The following BARX1 variants were observed in gnomAD, a reference collection of about 807,000 sequenced individuals.
The protein encoded by BARX1 is homeobox protein BarH-like 1.
A neutral mutation model predicts 19.6 loss-of-function variants in BARX1; 10 were observed. The observed-to-expected ratio is 0.51, with a 90% CI of 0.31 to 0.86. BARX1 has a LOEUF of 0.86. Ranked by LOEUF, BARX1 falls within the 40% of genes least tolerant of loss-of-function variation. The pLI, the probability that BARX1 is intolerant of heterozygous loss-of-function variation, is 0.04. For missense variants in BARX1, 309 were observed against 360.4 expected (o/e 0.86, Z 1.15); for synonymous variants, 177 against 170.0 (o/e 1.04, Z -0.32).
chr9:93,953,089 G>C lies in BARX1; in HGVS notation c.322C>G (p.Leu108Val), dbSNP rs1829121324. The change falls in exon 2 of 4, where the codon CTG (leucine) becomes GTG (valine). Residue 108 changes from leucine (L) to valine (V), a missense_variant. Around this residue, in one of 3 missense-constraint regions of BARX1, gnomAD observed 204 missense variants for 206.8 expected, o/e 0.99. Coordinates refer to ENST00000253968, the MANE Select transcript of BARX1 (RefSeq NM_021570.4). ...TGTGGCGCACCCGCGGCGCCGGGCA[G>C]CCCGGGCCCTGCCGCCAGCAACGCA... Reference protein sequence around the residue: ...SSALLAAGPGLPGAAGAPHLP... With the variant: ...SSALLAAGPGVPGAAGAPHLP... 1 of 1,555,260 alleles carries C rather than the reference G, an allele frequency of 6.4e-7. No homozygotes were observed.
In BARX1 at chr9:93,953,178, T is replaced by A; in HGVS notation, c.233A>T (p.Lys78Met). The A allele has an allele frequency of 6.6e-7, 1 of 1,513,450 alleles. No homozygotes were observed. Among genetic ancestry groups the A allele is most frequent in the Non-Finnish European group, 8.8e-7 (1 of 1,141,160 alleles). 93.8% of individuals were successfully genotyped at this position (1,513,450 alleles called of 1,614,324 possible). A position where few individuals can be genotyped will look rare whatever the true frequency, so the allele number is the denominator to read the frequency against. ...CTTGAACACCGCCGCCTGCTCGGCCTTCAGCACGGCTGCGAAGAAAGAGAA... is the reference window on the plus strand; with the variant it reads ...CTTGAACACCGCCGCCTGCTCGGCCATCAGCACGGCTGCGAAGAAAGAGAA... ...RPFHSHLAVL[K>M]AEQAAVFKFP... Residue 78 changes from lysine to methionine, a missense_variant, in exon 2 of 4, where the codon AAG (lysine) becomes ATG (methionine). Physicochemically the swap from Lys to Met is moderately conservative, Grantham distance 95 (BLOSUM62 -1). Transcript: ENST00000253968.
Position 93,952,288 on chromosome 9 carries a change from T to C in BARX1, c.641A>G (p.Lys214Arg). 2 of 1,611,562 alleles carry C rather than the reference T, an allele frequency of 1.2e-6. No homozygotes were observed. The highest frequency in any genetic ancestry group is 1.1e-5 in the South Asian group (1 of 91,036). The stretch of plus-strand genomic sequence containing the variant: ...AATTGAGTTCTTCTTGGGCCGCCCC[T>C]TGGGCTTGGTGGGAGACTCCAGGCC... ...GGGLESPTKPKGRPKKNSIPT... is the reference protein window; with the variant it reads ...GGGLESPTKPRGRPKKNSIPT... The change falls in exon 4 of 4, where the codon AAG (lysine) becomes AGG (arginine). Residue 214 changes from lysine (K) to arginine (R), a missense_variant. Transcript: ENST00000253968.
intron 1 of BARX1, among the ~76,000 whole-genome samples, chr9:93,954,423 C>T (rs1362208200): frequency 6.6e-6 from 1 of 152,252 alleles, no homozygotes; most frequent in Non-Finnish European, 1.5e-5. Context: ...CGTTCCTCGC[C>T]CGCTGGAGCT....
chr9:93,953,266 C>A, intron 1 of BARX1, 79 bp from the exon 2 acceptor site: 1 of 1,405,964 alleles, frequency 7.1e-7, no homozygotes, highest in Non-Finnish European at 9.3e-7. Context: ...CCACGTGCCG[C>A]GGGGGTGCTC....
chr9:93,952,371 A>C (rs753659232), intron 3 of BARX1, 43 bp from the exon 4 acceptor site: 8 of 1,586,978 alleles, frequency 5.0e-6, no homozygotes, highest in Non-Finnish European at 6.8e-6. Flanking sequence ...CAGCACGTGG[A>C]CTGGGGACCC....
chr9:93,955,045 G>A lies in BARX1; in HGVS notation c.102C>T (p.Ile34=). Residue 34 remains isoleucine (I), a synonymous_variant, in exon 1 of 4, where the codon ATC becomes ATT. Transcript: ENST00000253968. This position sits in a 1 kb window ranked among gnomAD's most constrained non-coding sequence, Gnocchi z 4.4. ...CCTTGGGCCCGGGTGGCTCCGTGAG[G>A]ATCTCCTCAATCATGAAGCTGCGAT... ...HRYRSFMIEE[I]LTEPPGPKGA... 7.1e-7 allele frequency: 1 copy of A among 1,405,178 alleles called. No homozygotes were observed. Among genetic ancestry groups the A allele is most frequent in the Non-Finnish European group, 9.3e-7 (1 of 1,076,874 alleles). The allele number at this position is 1,405,178 out of a possible 1,614,324, so 87.0% of individuals were successfully genotyped here. A position where few individuals can be genotyped will look rare whatever the true frequency, so the allele number is the denominator to read the frequency against.
intron 1 of BARX1, among the ~76,000 whole-genome samples, chr9:93,954,559 G>A (rs1021826020): frequency 6.6e-6 from 1 of 152,250 alleles, no homozygotes; most frequent in African/African-American, 2.4e-5. Context: ...TCCCTCTGCG[G>A]CGAAGCCCAG....
Position 93,952,677 on chromosome 9 carries a change from C to T in BARX1, c.600+52G>A, listed in dbSNP as rs372120075. On this transcript the variant is annotated intron_variant, in intron 3 of 3. Transcript: ENST00000253968. The stretch of plus-strand genomic sequence containing the variant: ...AAAGAGGAGAGCAGCTCTGCATGCA[C>T]CGGGGCATGGCCCAGGAAGCTGAGG... 289 of 1,567,048 alleles carry T rather than the reference C, an allele frequency of 1.8e-4. 2 individuals carry two copies. In the African/African-American group the frequency reaches 3.2e-3, roughly 17 times the overall value.
Position 93,955,277 on chromosome 9 carries a change from C to T in BARX1, c.-131G>A. On this transcript the variant is annotated 5_prime_UTR_variant, in exon 1 of 4. Coordinates refer to ENST00000253968, the MANE Select transcript of BARX1 (RefSeq NM_021570.4). This position sits in a 1 kb window ranked among gnomAD's most constrained non-coding sequence, Gnocchi z 4.4. ...GCGCGCGGGCGCCGGCTCATGCCCC[C>T]TCCCCCGCCGGCCGGCCGGGCGGAG... 2 of 233,488 alleles carry T rather than the reference C, an allele frequency of 8.6e-6. No individual in the cohort carries two copies. Among genetic ancestry groups the T allele is most frequent in the Non-Finnish European group, 1.4e-5 (2 of 146,202 alleles). 14.5% of individuals were successfully genotyped at this position (233,488 alleles called of 1,614,324 possible).
Position 93,953,085 on chromosome 9 carries a change from G to A in BARX1, c.326C>T (p.Pro109Leu). 1 of 1,555,444 alleles carries A rather than the reference G, an allele frequency of 6.4e-7. No individual in the cohort carries two copies. The highest frequency in any genetic ancestry group is 1.2e-5 in the South Asian group (1 of 84,844). ...CAGGTGTGGCGCACCCGCGGCGCCG[G>A]GCAGCCCGGGCCCTGCCGCCAGCAA... is the stretch of plus-strand genomic sequence containing the variant. ...SALLAAGPGL[P>L]GAAGAPHLPL... The change falls in exon 2 of 4, where the codon CCC becomes CTC. Residue 109 changes from proline (P) to leucine (L), a missense_variant. This residue lies in a region of BARX1 where 204 missense variants were observed against 206.8 expected (regional missense o/e 0.99). Coordinates refer to ENST00000253968, the MANE Select transcript of BARX1 (RefSeq NM_021570.4).
At chr9:93,952,497 C>T (rs1829114403) in intron 3 of BARX1, among the ~76,000 whole-genome samples, 169 bp from the exon 4 acceptor site, 1 of 152,182 alleles carries the variant, frequency 6.6e-6, no homozygotes, top group South Asian at 2.1e-4. Flanking sequence ...GGGGAGCGGC[C>T]CGGCCTGGGG....
Position 93,952,035 on chromosome 9 carries a change from T to C in BARX1, c.*129A>G. On this transcript the variant is annotated 3_prime_UTR_variant, in exon 4 of 4. Coordinates refer to ENST00000253968, the MANE Select transcript of BARX1 (RefSeq NM_021570.4). ...CCTCGTTTGGCCCCAATTGTCCGCA[T>C]TCAAGATCATAATAAAAAGGCTTAG... 8.0e-7 allele frequency: 1 copy of C among 1,249,042 alleles called. No individual in the cohort carries two copies. The highest frequency in any genetic ancestry group is 1.1e-6 in the Non-Finnish European group (1 of 920,838). 77.4% of individuals were successfully genotyped at this position (1,249,042 alleles called of 1,614,324 possible). A position where few individuals can be genotyped will look rare whatever the true frequency, so the allele number is the denominator to read the frequency against.
chr9:93,954,808 C>T, intron 1 of BARX1, 116 bp downstream of exon 1: 1 of 717,426 alleles, frequency 1.4e-6, no homozygotes, highest in Non-Finnish European at 1.9e-6. Context: ...AACCTGCGCT[C>T]CCAGAGCAGC....
Position 93,953,003 on chromosome 9 carries a change from G to T in BARX1, c.408C>A (p.Gly136=). 1 of 1,573,146 alleles carries T rather than the reference G, an allele frequency of 6.4e-7. No individual in the cohort carries two copies. Among genetic ancestry groups the T allele is most frequent in the Admixed American group, 1.8e-5 (1 of 54,246 alleles). Residue 136 remains glycine (G), a synonymous_variant, in exon 2 of 4, where the codon GGC becomes GGA. Transcript: ENST00000253968. ...KLEAAGPGEP[G]TKAKKGRRSR... is the part of the protein sequence containing the mutation. ...TCCGACGCCCCTTCTTGGCTTTGGT[G>T]CCTGGCTCCCCAGGGCCTGCCGCCT...
At position 93,952,776 on chromosome 9, in the gene BARX1, G is replaced by C; in HGVS notation, c.553C>G (p.Gln185Glu). 6.2e-7 allele frequency: 1 copy of C among 1,614,206 alleles called. No homozygotes were observed. The highest frequency in any genetic ancestry group is 8.5e-7 in the Non-Finnish European group (1 of 1,180,048). Residue 185 changes from glutamine (Q) to glutamate (E), a missense_variant, in exon 3 of 4, where the codon CAG becomes GAG. Transcript: ENST00000253968. ...LAESLGLSQL[Q>E]VKTWYQNRRM... ...CGATTCTGGTACCACGTCTTCACCT[G>C]CAACTGGCTCAGGCCCAGGGACTCA... is the stretch of plus-strand genomic sequence containing the variant.
At chr9:93,954,091 G>T (rs1047793892) in intron 1 of BARX1, among the ~76,000 whole-genome samples, 1 of 152,222 alleles carries the variant, frequency 6.6e-6, no homozygotes, top group Non-Finnish European at 1.5e-5. Context: ...TGGGGCAGAG[G>T]ACCCGTAGGG....
In BARX1 at chr9:93,954,988, C is replaced by A. The variant is rs947590933; in HGVS notation, c.159G>T (p.Ala53=). 1 of 1,399,510 alleles carries A rather than the reference C, an allele frequency of 7.1e-7. No homozygotes were observed. Among genetic ancestry groups the A allele is most frequent in the Non-Finnish European group, 9.3e-7 (1 of 1,078,430 alleles). The allele number at this position is 1,399,510 out of a possible 1,614,324, so 86.7% of individuals were successfully genotyped here. Residue 53 remains alanine, a synonymous_variant, in exon 1 of 4, where the codon GCG becomes GCT. Transcript: ENST00000253968. Reference sequence around the variant, plus strand: ...GCACGCCGAACTTCAGCAGCTCGCCCGCCGCGGCAGCGGCGGCTGCGGGCG... The same window carrying A: ...GCACGCCGAACTTCAGCAGCTCGCCAGCCGCGGCAGCGGCGGCTGCGGGCG... The part of the protein sequence containing the change: ...GAAPAAAAAA[A]GELLKFGVQA...
intron 1 of BARX1, among the ~76,000 whole-genome samples, 168 bp downstream of exon 1, chr9:93,954,756 C>T (rs1829141194): frequency 1.3e-5 from 2 of 152,294 alleles, no homozygotes; most frequent in East Asian, 1.9e-4. Flanking sequence ...GGAGCTTGCA[C>T]CCTCCGCCTC....
rs775944054 is a variant in BARX1 at position 93,952,334 on chromosome 9, C to T, written c.601-6G>A. The T allele has an allele frequency of 1.9e-6, 3 of 1,604,524 alleles. No homozygotes were observed. The highest frequency in any genetic ancestry group is 1.7e-5 in the Admixed American group (1 of 59,802). On this transcript the variant is annotated splice_region_variant and splice_polypyrimidine_tract_variant and intron_variant, in intron 3 of 3. Transcript: ENST00000253968. Reference sequence around the variant, plus strand: ...AGGCCGCCGCCCTGCAGCACCTGCACGGGGGACCGCCAGCACCTGGGTGAG... The same window carrying T: ...AGGCCGCCGCCCTGCAGCACCTGCATGGGGGACCGCCAGCACCTGGGTGAG...
Sources: gnomAD v4.1 joint callset for allele counts (sites outside exome capture counted in the v4.1 genomes callset) on GRCh38, gnomAD v4.1.1 for gene constraint, gnomAD v4.1.1 regional missense constraint, Gnocchi (gnomAD v3.1) non-coding constraint, MANE v1.5 for transcripts, NCBI Gene and HGNC (gene_info 2026-07-23, HGNC 2026-07-21) for gene names.